Variants in SLC25A23 observed in about 807,000 individuals in gnomAD.
SLC25A23 encodes mitochondrial adenyl nucleotide antiporter SLC25A23.
A neutral mutation model predicts 53.9 loss-of-function variants in SLC25A23; 32 were observed. The ratio of observed to expected loss-of-function variants is 0.59; its 90% CI spans 0.45 to 0.80. SLC25A23 has a LOEUF of 0.80. Among genes scored for constraint, SLC25A23 ranks in the 30% least tolerant of loss-of-function variants. SLC25A23 has a pLI of 0.00. For missense variants in SLC25A23, 575 were observed against 651.4 expected, an observed-to-expected ratio of 0.88 and a Z score of 1.28; for synonymous variants, 275 against 264.5, an observed-to-expected ratio of 1.04 and a Z score of -0.38.
At position 6,447,288 on chromosome 19, in the gene SLC25A23, A is replaced by C. The variant is rs548940107; in HGVS notation, c.1072-2987T>G. On this transcript the variant is annotated intron_variant, in intron 8 of 9. Transcript: ENST00000301454. The stretch of plus-strand genomic sequence containing the variant: ...TCAGGGTCTGTTTTGGAAGGATCTC[A>C]AACTAAGACCAAAACTATTATTATT... Among the ~76,000 whole-genome samples, 44 of 152,042 alleles carry C rather than the reference A, an allele frequency of 2.9e-4. No homozygotes were observed. In the South Asian group the frequency reaches 8.9e-3, roughly 31 times the overall value.
At chr19:6,452,239 G>C (rs1475983853) in intron 8 of SLC25A23, 73 bp downstream of exon 8, 2 of 1,535,024 alleles carry the variant, frequency 1.3e-6, no homozygotes, top group East Asian at 4.9e-5. Context: ...CCAGCCCCAG[G>C]GGAAGGGGAA....
downstream of SLC25A23, among the ~76,000 whole-genome samples, chr19:6,437,912 A>T (rs1403215055): frequency 7.7e-6 from 1 of 129,672 alleles, no homozygotes; most frequent in African/African-American, 2.9e-5. Flanking sequence ...TAAAAATACA[A>T]AAAAAAAAAA....
Position 6,459,396 on chromosome 19 carries a change from G to T in SLC25A23, c.156+77C>A. ...CCACAGGTAGTCCCTGGTGGCTCCG[G>T]CCGCCCAGTTCAGGGGCTTGGGTAA... is the stretch of plus-strand genomic sequence containing the variant. On this transcript the variant is annotated intron_variant, in intron 1 of 9. Coordinates refer to ENST00000301454, the MANE Select transcript of SLC25A23 (RefSeq NM_024103.3). The surrounding 1 kb of genome is among the most constrained non-coding windows in gnomAD (Gnocchi z 4.6). The T allele has an allele frequency of 7.5e-7, 1 of 1,325,642 alleles. No homozygotes were observed. The highest frequency in any genetic ancestry group is 1.0e-6 in the Non-Finnish European group (1 of 1,000,634). 82.1% of individuals were successfully genotyped at this position (1,325,642 alleles called of 1,614,324 possible). A position where few individuals can be genotyped will look rare whatever the true frequency, so the allele number is the denominator to read the frequency against.
chr19:6,448,211 C>T (rs1472545058), intron 8 of SLC25A23, among the ~76,000 whole-genome samples: 1 of 152,130 alleles, frequency 6.6e-6, no homozygotes, highest in African/African-American at 2.4e-5. Context: ...CAATTCTAAT[C>T]CACCAGAAAT....
chr19:6,453,858 A>C, intron 7 of SLC25A23, 123 bp downstream of exon 7: 1 of 718,556 alleles, frequency 1.4e-6, no homozygotes, highest in African/African-American at 1.8e-5. Flanking sequence ...CTGATGAGCT[A>C]TACTCCAAAT....
In SLC25A23 at chr19:6,442,171, C is replaced by CGGG. The variant is rs137977466; in HGVS notation, c.1223-15_1223-13dup. The CGGG allele has an allele frequency of 6.7e-6, 4 of 598,362 alleles. No individual in the cohort carries two copies. The African/African-American group carries it at 8.0e-5, about 12-fold the overall frequency. The allele number at this position is 598,362 out of a possible 1,614,324, so 37.1% of individuals were successfully genotyped here. A position where few individuals can be genotyped will look rare whatever the true frequency, so the allele number is the denominator to read the frequency against. On this transcript the variant is annotated splice_polypyrimidine_tract_variant and intron_variant, in intron 9 of 9. Transcript: ENST00000301454. Reference sequence around the variant, plus strand: ...ACCCTCGATGGAGGCTGGGAGGGGGCGGGGGGGGCACCAGGTAAGGCCAAC... The same window carrying CGGG: ...ACCCTCGATGGAGGCTGGGAGGGGGCGGGGGGGGGGGCACCAGGTAAGGCCAAC...
rs190861487 is a variant in SLC25A23 at position 6,443,436 on chromosome 19, C to T, written c.1222+715G>A. ...AAAGATGGGGTCTTGCTATGTTGCC[C>T]GGGCTGGTCTCAAACTCCTGGACTC... On this transcript the variant is annotated intron_variant, in intron 9 of 9. Coordinates refer to ENST00000301454, the MANE Select transcript of SLC25A23 (RefSeq NM_024103.3). 426 of 557,954 alleles carry T rather than the reference C, an allele frequency of 7.6e-4. 3 individuals carry two copies. The East Asian group carries it at 0.011, about 14-fold the overall frequency. The allele number at this position is 557,954 out of a possible 1,614,324, so 34.6% of individuals were successfully genotyped here.
chr19:6,439,399 T>TCACA (rs57370920), downstream of SLC25A23, among the ~76,000 whole-genome samples: 5,587 of 123,978 alleles, frequency 0.045, 140 homozygotes, highest in Middle Eastern at 0.083. Flanking sequence ...TCTCTCTCTC[T>TCACA]CACACACACA....
At chr19:6,438,682 C>A (rs1486280856), downstream of SLC25A23, 4 of 212,212 alleles carry the variant, frequency 1.9e-5, no homozygotes, top group East Asian at 3.0e-4. Context: ...TACCTGGTCT[C>A]TACTAAAAAT....
chr19:6,444,047 G>T, intron 9 of SLC25A23, 104 bp downstream of exon 9: 1 of 1,256,976 alleles, frequency 8.0e-7, no homozygotes. Context: ...GCCCAGAGAA[G>T]CCCATCGAAA....
rs910776686 is a variant in SLC25A23 at position 6,456,064 on chromosome 19, A to G, written c.483+356T>C. The G allele has an allele frequency of 1.6e-5, 21 of 1,340,576 alleles. No individual in the cohort carries two copies. In the African/African-American group the frequency reaches 3.1e-4, roughly 20 times the overall value. The allele number at this position is 1,340,576 out of a possible 1,614,324, so 83.0% of individuals were successfully genotyped here. A position where few individuals can be genotyped will look rare whatever the true frequency, so the allele number is the denominator to read the frequency against. ...ATTCTGTTCAGCCGTAGAATCTTTTATCCAGGCAGAGAACCCAGCAGAAGA... is the reference window on the plus strand; with the variant it reads ...ATTCTGTTCAGCCGTAGAATCTTTTGTCCAGGCAGAGAACCCAGCAGAAGA... On this transcript the variant is annotated intron_variant, in intron 4 of 9. Transcript: ENST00000301454.
rs748811382 is a variant in SLC25A23, at chr19:6,454,571, C to T, written c.630G>A (p.Lys210=). The part of the protein sequence containing the change: ...RTGTAPLDRL[K]VFMQVHASKT... ...CAGAGCCCCTCACCTGCATGAAGAC[C>T]TTGAGGCGGTCCAGAGGGGCCGTGC... Residue 210 remains lysine (K), a synonymous_variant, in exon 5 of 10, where the codon AAG becomes AAA. Coordinates refer to ENST00000301454, the MANE Select transcript of SLC25A23 (RefSeq NM_024103.3). The surrounding 1 kb of genome is among the most constrained non-coding windows in gnomAD (Gnocchi z 4.3). 2 of 1,613,774 alleles carry T rather than the reference C, an allele frequency of 1.2e-6. No individual in the cohort carries two copies. The highest frequency in any genetic ancestry group is 1.7e-6 in the Non-Finnish European group (2 of 1,179,982).
At chr19:6,436,641 C>T (rs1440944804), downstream of SLC25A23, among the ~76,000 whole-genome samples, 1 of 151,780 alleles carries the variant, frequency 6.6e-6, no homozygotes, top group Non-Finnish European at 1.5e-5. Flanking sequence ...CCTCTGCCAC[C>T]CAGGTTCAAG....
In SLC25A23 at chr19:6,456,349, G is replaced by A. The variant is rs998824774; in HGVS notation, c.483+71C>T. ...CTGGTCCAGCCCATCCAAGCCCTGG[G>A]GAGATCGGAGCAAGGCCCCCCTGGG... On this transcript the variant is annotated intron_variant, in intron 4 of 9. Coordinates refer to ENST00000301454, the MANE Select transcript of SLC25A23 (RefSeq NM_024103.3). 35 of 1,466,382 alleles carry A rather than the reference G, an allele frequency of 2.4e-5. No homozygotes were observed. In the Admixed American group the frequency reaches 2.6e-4, roughly 11 times the overall value. The allele number at this position is 1,466,382 out of a possible 1,614,324, so 90.8% of individuals were successfully genotyped here.
At chr19:6,458,875 G>A (rs919935342) in intron 1 of SLC25A23, among the ~76,000 whole-genome samples, 10 of 152,186 alleles carry the variant, frequency 6.6e-5, no homozygotes, top group African/African-American at 2.4e-4. Flanking sequence ...CTCTTAGAGC[G>A]ATCTGGGGCT....
chr19:6,439,411 A>T (rs1367360549), downstream of SLC25A23, among the ~76,000 whole-genome samples: 5 of 145,868 alleles, frequency 3.4e-5, no homozygotes, highest in Non-Finnish European at 7.6e-5. Flanking sequence ...ACACACACAC[A>T]CACACACACA....
At position 6,447,596 on chromosome 19, in the gene SLC25A23, C is replaced by T. The variant is rs569027281; in HGVS notation, c.1072-3295G>A. Among the ~76,000 whole-genome samples the T allele has an allele frequency of 5.0e-4, 76 of 152,152 alleles. 4 individuals carry two copies. The South Asian group carries it at 8.9e-3, about 18-fold the overall frequency. On this transcript the variant is annotated intron_variant, in intron 8 of 9. Transcript: ENST00000301454. ...CTCCCAGGTTCAAGTGATTCTCCTG[C>T]ATCAGCCTCCTGTGTAGCTGGGATT...
At chr19:6,455,471 T>G (rs997163345) in intron 4 of SLC25A23, among the ~76,000 whole-genome samples, 1 of 152,004 alleles carries the variant, frequency 6.6e-6, no homozygotes, top group Non-Finnish European at 1.5e-5. Flanking sequence ...GGAGTCCCCG[T>G]GCAGGAATCA....
In SLC25A23 at chr19:6,440,288, A is replaced by C. The variant is rs2144745852; in HGVS notation, c.*1687T>G. 6.6e-6 allele frequency: 1 copy of C among 152,652 alleles called. No homozygotes were observed. The highest frequency in any genetic ancestry group is 2.4e-5 in the African/African-American group (1 of 41,524). The allele number at this position is 152,652 out of a possible 1,614,324, so 9.5% of individuals were successfully genotyped here. On this transcript the variant is annotated 3_prime_UTR_variant, in exon 10 of 10. Transcript: ENST00000301454. ...GCAGAATGTAAGGGCGCAGGGGAGG[A>C]GGACTTTGCTCCTCTCTCTGGTAGA...
Sources: allele counts gnomAD v4.1 joint callset (sites outside exome capture counted in the v4.1 genomes callset), GRCh38; gene constraint gnomAD v4.1.1; non-coding constraint Gnocchi (gnomAD v3.1); transcripts MANE v1.5; gene names NCBI Gene and HGNC (gene_info 2026-07-23, HGNC 2026-07-21).